AOPEP: variants seen among roughly 807,000 people sequenced by gnomAD.
The protein encoded by AOPEP is aminopeptidase O (putative).
In AOPEP, 77 loss-of-function variants were observed where a neutral mutation model predicts 98.1. The observed-to-expected ratio is 0.78, with a 90% CI of 0.65 to 0.95. The LOEUF is 0.95. Among genes scored for constraint, AOPEP ranks in the 40% least tolerant of loss-of-function variants. The pLI, the probability that AOPEP is intolerant of heterozygous loss-of-function variation, is 0.00. For missense variants in AOPEP, 1,024 were observed against 1,024.7 expected, an observed-to-expected ratio of 1.00 and a Z score of 0.01; for synonymous variants, 346 against 365.3, an observed-to-expected ratio of 0.95 and a Z score of 0.60.
At chr9:94,877,700 C>T (rs538145224) in intron 5 of AOPEP, among the ~76,000 whole-genome samples, 5 of 152,304 alleles carry the variant, frequency 3.3e-5, no homozygotes, top group Admixed American at 6.5e-5. Flanking sequence ...GAATTACAGG[C>T]ATGAGCCACT....
chr9:94,877,105 C>T (rs1215699011), intron 5 of AOPEP, among the ~76,000 whole-genome samples: 2 of 152,096 alleles, frequency 1.3e-5, no homozygotes, highest in African/African-American at 4.8e-5. Flanking sequence ...ATTATTTTGG[C>T]CTCTGATCCT....
rs182317531 is a variant in AOPEP at position 94,994,043 on chromosome 9, C to T, written c.1978-11115C>T. 1.7e-4 allele frequency among the ~76,000 whole-genome samples: 26 copies of T among 152,292 alleles called. No homozygotes were observed. In the East Asian group the frequency reaches 3.1e-3, roughly 18 times the overall value. On this transcript the variant is annotated intron_variant, in intron 11 of 16. Coordinates refer to ENST00000375315, the MANE Select transcript of AOPEP (RefSeq NM_001193329.3). ...GTGTCTCCCTTCTTCTCCCGAGCCA[C>T]GCATGCTGCCACTTTTCACATTCCA...
downstream of AOPEP, among the ~76,000 whole-genome samples, chr9:95,088,217 CCTTT>C (rs1042716984): frequency 3.3e-5 from 5 of 151,300 alleles, no homozygotes; most frequent in African/African-American, 7.3e-5. Context: ...TTTTTTCCTT[CCTTT>C]CTTTTTTTTG....
chr9:94,750,953 T>TA (rs1835613245), intron 1 of AOPEP, among the ~76,000 whole-genome samples: 1 of 152,000 alleles, frequency 6.6e-6, no homozygotes, highest in African/African-American at 2.4e-5. Flanking sequence ...TTCACCGTGT[T>TA]AGCCAGGATG....
chr9:94,898,678 T>A (rs2049930001), intron 5 of AOPEP, among the ~76,000 whole-genome samples: 1 of 146,370 alleles, frequency 6.8e-6, no homozygotes, highest in African/African-American at 2.5e-5. Flanking sequence ...GTGCAGTGGC[T>A]CATGCCTGTA....
At chr9:94,807,484 TATTG>T (rs1849489150) in intron 5 of AOPEP, among the ~76,000 whole-genome samples, 1 of 152,220 alleles carries the variant, frequency 6.6e-6, no homozygotes, top group South Asian at 2.1e-4. Flanking sequence ...GTAATCTCTC[TATTG>T]ATGTCATCCT....
chr9:94,877,751 C>T (rs994617602), intron 5 of AOPEP, among the ~76,000 whole-genome samples: 14 of 152,158 alleles, frequency 9.2e-5, no homozygotes, highest in African/African-American at 3.4e-4. Flanking sequence ...TAACATTATA[C>T]AAGCAATTAC....
At chr9:94,826,649 A>C (rs1854631856) in intron 5 of AOPEP, among the ~76,000 whole-genome samples, 1 of 152,188 alleles carries the variant, frequency 6.6e-6, no homozygotes, top group Non-Finnish European at 1.5e-5. Flanking sequence ...ATTTACCTTT[A>C]GCAATTCTTT....
At chr9:95,054,729 C>G (rs914523035) in intron 13 of AOPEP, among the ~76,000 whole-genome samples, 6 of 152,164 alleles carry the variant, frequency 3.9e-5, no homozygotes, top group African/African-American at 1.4e-4. Context: ...AATAAATATG[C>G]TTTTCTTTGT....
At chr9:94,825,317 T>C (rs566371738) in intron 5 of AOPEP, among the ~76,000 whole-genome samples, 13 of 152,358 alleles carry the variant, frequency 8.5e-5, no homozygotes, top group Admixed American at 8.5e-4. Context: ...CCTGTGCCTC[T>C]TTACTTACGA....
chr9:94,813,221 A>G lies in AOPEP; in HGVS notation c.1364+12219A>G, dbSNP rs145744552. Among the ~76,000 whole-genome samples the G allele has an allele frequency of 8.8e-4, 134 of 152,300 alleles. 2 individuals carry two copies. The highest frequency in any genetic ancestry group is 6.8e-3 in the Middle Eastern group (2 of 294). On this transcript the variant is annotated intron_variant, in intron 5 of 16. Transcript: ENST00000375315. ...TTACAAGAGATGAGTGCATAGCTCA[A>G]AGGGAGGGGTAAGATGTGATTGCTC... is the stretch of plus-strand genomic sequence containing the variant.
chr9:94,938,394 G>A (rs1396311736), intron 7 of AOPEP, among the ~76,000 whole-genome samples: 1 of 152,132 alleles, frequency 6.6e-6, no homozygotes, highest in Non-Finnish European at 1.5e-5. Context: ...AGATAGATAG[G>A]TAATCCTAGG....
intron 7 of AOPEP, among the ~76,000 whole-genome samples, chr9:94,946,984 T>C (rs1325212297): frequency 6.6e-6 from 1 of 151,750 alleles, no homozygotes; most frequent in Admixed American, 6.6e-5. Flanking sequence ...TTATTCTTTT[T>C]TTTTTTTTTC....
At chr9:94,775,312 G>A (rs1047763813) in intron 3 of AOPEP, among the ~76,000 whole-genome samples, 2 of 150,448 alleles carry the variant, frequency 1.3e-5, no homozygotes, top group Admixed American at 6.6e-5. Flanking sequence ...TAAATTTTGT[G>A]ATGTCTTTAT....
At chr9:95,119,137 T>C in the AOPEP span, among the ~76,000 whole-genome samples, 1 of 152,202 alleles carries the variant, frequency 6.6e-6, no homozygotes, top group Non-Finnish European at 1.5e-5. Context: ...CTCTGCACTT[T>C]CCTGATGGCA....
chr9:94,810,269 C>A (rs924347743), intron 5 of AOPEP, among the ~76,000 whole-genome samples: 2 of 151,946 alleles, frequency 1.3e-5, no homozygotes, highest in African/African-American at 4.8e-5. Flanking sequence ...TTTAGAATAA[C>A]CCGCAGAATG....
chr9:94,997,567 A>G (rs1276107568), intron 11 of AOPEP, among the ~76,000 whole-genome samples: 1 of 152,234 alleles, frequency 6.6e-6, no homozygotes, highest in Non-Finnish European at 1.5e-5. Context: ...CCACTCTCAG[A>G]GATGTGAACC....
chr9:94,890,668 T>A (rs539764270), intron 5 of AOPEP, among the ~76,000 whole-genome samples: 1 of 152,322 alleles, frequency 6.6e-6, no homozygotes, highest in African/African-American at 2.4e-5. Flanking sequence ...CCCACAAACT[T>A]TGGTTTTTTC....
At chr9:94,960,149 C>T (rs145464021) in intron 9 of AOPEP, among the ~76,000 whole-genome samples, 4,334 of 152,244 alleles carry the variant, frequency 0.028, 225 homozygotes, top group African/African-American at 0.099. Flanking sequence ...CGGTGGCTCA[C>T]GCCTGTAATC....
Sources: allele counts gnomAD v4.1 joint callset (sites outside exome capture counted in the v4.1 genomes callset), GRCh38; gene constraint gnomAD v4.1.1; transcripts MANE v1.5; gene names NCBI Gene and HGNC (gene_info 2026-07-23, HGNC 2026-07-21).